The following HK2 variants were observed in gnomAD, a reference collection of about 807,000 sequenced individuals.
HK2 encodes hexokinase 2.
In HK2, 42 loss-of-function variants were observed where a neutral mutation model predicts 92.9. The observed-to-expected ratio is 0.45, with a 90% CI of 0.35 to 0.58. The LOEUF (loss-of-function observed/expected upper bound fraction) is 0.58, where lower values mean the gene tolerates loss of function less well. Ranked by LOEUF, HK2 falls within the 20% of genes least tolerant of loss-of-function variation. HK2 has a pLI of 0.00. For synonymous variants in HK2, 422 were observed against 468.0 expected (o/e 0.90, Z 1.27); for missense variants, 978 against 1,245.1 (o/e 0.79, Z 3.23).
chr2:74,839,287 G>A (rs1345211279), intron 1 of HK2, among the ~76,000 whole-genome samples: 1 of 152,176 alleles, frequency 6.6e-6, no homozygotes. Flanking sequence ...TGGAGTTAGA[G>A]CCTCAAGGAA....
intron 7 of HK2, among the ~76,000 whole-genome samples, chr2:74,876,608 A>G (rs1689237327): frequency 6.6e-6 from 1 of 152,102 alleles, no homozygotes; most frequent in Non-Finnish European, 1.5e-5. Context: ...CTCGGAGCCC[A>G]GTGCAGATTC....
Position 74,878,704 on chromosome 2 carries a change from C to T in HK2, c.1048C>T (p.Arg350Trp), listed in dbSNP as rs147658100. The T allele has an allele frequency of 2.0e-5, 32 of 1,605,838 alleles. No individual in the cohort carries two copies. The highest frequency in any genetic ancestry group is 5.3e-5 in the African/African-American group (4 of 74,806). The change falls in exon 9 of 18, where the codon CGG becomes TGG. Residue 350 changes from arginine to tryptophan, a missense_variant. Transcript: ENST00000290573. ...SDIEGEKDGI[R>W]KAREVLMRLG... ...GTTTCCCAGGGAGAAGGATGGCATCCGGAAGGCCCGTGAGGTCCTGATGCG... is the reference window on the plus strand; with the variant it reads ...GTTTCCCAGGGAGAAGGATGGCATCTGGAAGGCCCGTGAGGTCCTGATGCG...
intron 2 of HK2, among the ~76,000 whole-genome samples, chr2:74,857,542 G>A (rs1247001842): frequency 1.3e-5 from 2 of 152,146 alleles, no homozygotes; most frequent in Non-Finnish European, 2.9e-5. Context: ...TCAGGAGGCC[G>A]AGGCAGAGAG....
rs1573380324 is a variant in HK2 at position 74,873,263 on chromosome 2, G to C, written c.496-13G>C. ...AGTGGGAAATCAATATTCACTTCTT[G>C]GTCCCTTTCCAGAGTTTCCTGGTCT... On this transcript the variant is annotated splice_polypyrimidine_tract_variant and intron_variant, in intron 4 of 17. Coordinates refer to ENST00000290573, the MANE Select transcript of HK2 (RefSeq NM_000189.5). 2 of 1,592,740 alleles carry C rather than the reference G, an allele frequency of 1.3e-6. No individual in the cohort carries two copies. Among genetic ancestry groups the C allele is most frequent in the East Asian group, 4.5e-5 (2 of 44,758 alleles).
At chr2:74,838,994 T>A (rs968828071) in intron 1 of HK2, among the ~76,000 whole-genome samples, 3 of 152,178 alleles carry the variant, frequency 2.0e-5, no homozygotes, top group South Asian at 4.1e-4. Context: ...ACTGGTGACA[T>A]TTGCACTGGA....
chr2:74,860,641 T>C (rs993742990), intron 2 of HK2, among the ~76,000 whole-genome samples: 8 of 152,230 alleles, frequency 5.3e-5, no homozygotes, highest in Admixed American at 4.6e-4. Flanking sequence ...ATATGAATAT[T>C]GATGGACACC....
intron 8 of HK2, 119 bp downstream of exon 8, chr2:74,877,440 C>G: frequency 8.7e-7 from 1 of 1,155,232 alleles, no homozygotes; most frequent in East Asian, 2.4e-5. Flanking sequence ...AAGAGGGTCT[C>G]ACATGACGTG....
At chr2:74,843,090 T>G (rs1276456268) in intron 1 of HK2, among the ~76,000 whole-genome samples, 2 of 152,168 alleles carry the variant, frequency 1.3e-5, no homozygotes, top group Non-Finnish European at 2.9e-5. Context: ...TCATTTGCAG[T>G]GCCCTGTGCT....
chr2:74,872,265 C>T, intron 3 of HK2, 35 bp from the exon 4 acceptor site: 1 of 1,612,804 alleles, frequency 6.2e-7, no homozygotes, highest in Non-Finnish European at 8.5e-7. Context: ...GCTGTTCGAC[C>T]TCTCTGCTCA....
chr2:74,855,090 G>T (rs903767965), intron 2 of HK2, among the ~76,000 whole-genome samples: 13 of 152,172 alleles, frequency 8.5e-5, no homozygotes, highest in African/African-American at 3.1e-4. Context: ...TCCGCCTCCT[G>T]GGTTCAAGTG....
chr2:74,887,546 T>G (rs1395127345), intron 15 of HK2, among the ~76,000 whole-genome samples: 4 of 152,118 alleles, frequency 2.6e-5, no homozygotes, highest in African/African-American at 7.2e-5. Flanking sequence ...TCTCCCCTGC[T>G]CCGAGAAGTC....
chr2:74,866,788 C>G (rs1353601897), intron 2 of HK2, among the ~76,000 whole-genome samples: 1 of 152,186 alleles, frequency 6.6e-6, no homozygotes, highest in African/African-American at 2.4e-5. Context: ...CTCTTGCATT[C>G]TGATAAGCCT....
chr2:74,887,253 T>C (rs1689561269), intron 15 of HK2, among the ~76,000 whole-genome samples: 1 of 152,196 alleles, frequency 6.6e-6, no homozygotes, highest in African/African-American at 2.4e-5. Flanking sequence ...AGTTACAGAC[T>C]AAAATGCCTC....
In HK2 at chr2:74,878,458, C is replaced by T. The variant is rs149724592; in HGVS notation, c.1032-230C>T. ...GTGTGTGCGCACGCACATGCGTGTG[C>T]GTGTGTGTGTGGTGTCTGGGAGAGG... On this transcript the variant is annotated intron_variant, in intron 8 of 17. Coordinates refer to ENST00000290573, the MANE Select transcript of HK2 (RefSeq NM_000189.5). Among the ~76,000 whole-genome samples, 19 of 150,720 alleles carry T rather than the reference C, an allele frequency of 1.3e-4. No homozygotes were observed. The East Asian group carries it at 3.1e-3, about 25-fold the overall frequency.
chr2:74,877,844 TTTG>T (rs1243987321), intron 8 of HK2, among the ~76,000 whole-genome samples: 3 of 152,206 alleles, frequency 2.0e-5, no homozygotes, highest in South Asian at 2.1e-4. Flanking sequence ...TGGCTTGATT[TTTG>T]TTGTTGTTAA....
chr2:74,891,168 A>G lies in HK2; in HGVS notation c.*227A>G. 1.8e-6 allele frequency: 1 copy of G among 565,478 alleles called. No individual in the cohort carries two copies. Among genetic ancestry groups the G allele is most frequent in the South Asian group, 2.0e-5 (1 of 49,786 alleles). 35.0% of individuals were successfully genotyped at this position (565,478 alleles called of 1,614,324 possible). A position where few individuals can be genotyped will look rare whatever the true frequency, so the allele number is the denominator to read the frequency against. On this transcript the variant is annotated 3_prime_UTR_variant, in exon 18 of 18. Coordinates refer to ENST00000290573, the MANE Select transcript of HK2 (RefSeq NM_000189.5). ...ATAAGGATTTGTTCACATGCATCAT[A>G]ACCATTCCCATTGGTTCTCCTAAAA...
chr2:74,889,887 T>A (rs1338236415), intron 17 of HK2, among the ~76,000 whole-genome samples: 2 of 152,250 alleles, frequency 1.3e-5, no homozygotes, highest in Admixed American at 1.3e-4. Flanking sequence ...TTGAGACGCA[T>A]CCGCATTGAA....
At chr2:74,882,057 C>G in intron 11 of HK2, 63 bp from the exon 12 acceptor site, 1 of 1,530,604 alleles carries the variant, frequency 6.5e-7, no homozygotes, top group Non-Finnish European at 9.1e-7. Flanking sequence ...GTGCGCAGGC[C>G]CTACTGGGGG....
intron 1 of HK2, among the ~76,000 whole-genome samples, chr2:74,836,670 T>C (rs1268217575): frequency 1.3e-5 from 2 of 152,182 alleles, no homozygotes; most frequent in African/African-American, 4.8e-5. Flanking sequence ...TTTAACTCAG[T>C]AATTGTCAGA....
Sources: allele counts gnomAD v4.1 joint callset (sites outside exome capture counted in the v4.1 genomes callset), GRCh38; gene constraint gnomAD v4.1.1; transcripts MANE v1.5; gene names NCBI Gene and HGNC (gene_info 2026-07-23, HGNC 2026-07-21).